FAM3A: variants seen among roughly 807,000 people sequenced by gnomAD.
The protein encoded by FAM3A is FAM3 metabolism regulating signaling molecule A, also known as protein FAM3A.
Under a neutral mutation model 18.1 loss-of-function variants are expected in FAM3A, and 5 were observed. The ratio of observed to expected loss-of-function variants is 0.28; its 90% CI spans 0.14 to 0.58. The LOEUF is 0.58. FAM3A is among the 20% of genes least tolerant of loss of function. The pLI, the probability that FAM3A is intolerant of heterozygous loss-of-function variation, is 0.91. For synonymous variants in FAM3A, 108 were observed against 90.2 expected (o/e 1.20, Z -1.12); for missense variants, 154 against 216.6 (o/e 0.71, Z 1.81).
intron 1 of FAM3A, among the ~76,000 whole-genome samples, chrX:154,514,346 C>T (rs782629490): frequency 9.0e-6 from 1 of 111,114 alleles, no homozygotes; most frequent in South Asian, 3.8e-4. Context: ...TGGGTTCAAG[C>T]GATTCTCCTG....
At chrX:154,507,578 G>C in intron 6 of FAM3A, 88 bp from the exon 7 acceptor site, 1 of 1,001,647 alleles carries the variant, frequency 1.0e-6, no homozygotes, top group Admixed American at 2.5e-5. Context: ...GGAAACAGAA[G>C]TAGGGATTGG....
At chrX:154,512,227 C>CAATAATAAT (rs782325424) in intron 2 of FAM3A, 2 of 143,363 alleles carry the variant, frequency 1.4e-5, no homozygotes, top group Non-Finnish European at 2.3e-5. Context: ...ACTAAAAATA[C>CAATAATAAT]AATAATAATA....
At chrX:154,507,535 G>T in intron 6 of FAM3A, 45 bp from the exon 7 acceptor site, 1 of 1,133,492 alleles carries the variant, frequency 8.8e-7, no homozygotes. Context: ...AGGCACCACT[G>T]AGCACCCTCC....
At position 154,506,677 on chromosome X, in the gene FAM3A, G is replaced by T. The variant is rs782487341; in HGVS notation, c.*134C>A. The T allele has an allele frequency of 2.0e-6, 1 of 497,571 alleles. No homozygotes were observed. The highest frequency in any genetic ancestry group is 2.3e-5 in the African/African-American group (1 of 43,164). The allele number at this position is 497,571 out of a possible 1,213,427, so 41.0% of individuals were successfully genotyped here. On this transcript the variant is annotated 3_prime_UTR_variant, in exon 9 of 9. Coordinates refer to ENST00000447601, the MANE Select transcript of FAM3A (RefSeq NM_021806.4). ...GAGACCACGTTCTGGTCACTGCCTC[G>T]GAGCCCCGATGTGTTGGGGCCAGGG...
At position 154,510,926 on chromosome X, in the gene FAM3A, CA is replaced by C. The variant is rs55742953; in HGVS notation, c.151+921del. The C allele has an allele frequency of 4.6e-3, 335 of 73,623 alleles. 1 individual carries two copies. Among genetic ancestry groups the C allele is most frequent in the Admixed American group, 8.1e-3 (52 of 6,439 alleles). The allele number at this position is 73,623 out of a possible 1,213,427, so 6.1% of individuals were successfully genotyped here. A position where few individuals can be genotyped will look rare whatever the true frequency, so the allele number is the denominator to read the frequency against. ...TGGGTGACAGAGCAAGACTCCGTCT[CA>C]AAAAAAAAAAAAAACTTGGTTGAAT... On this transcript the variant is annotated intron_variant, in intron 3 of 8. Transcript: ENST00000447601.
rs1305101852 is a variant in FAM3A, at chrX:154,506,368, C to A, written c.*443G>T. The A allele has an allele frequency of 7.9e-6, 1 of 127,021 alleles. No homozygotes were observed. Among genetic ancestry groups the A allele is most frequent in the Non-Finnish European group, 1.6e-5 (1 of 62,451 alleles). 10.5% of individuals were successfully genotyped at this position (127,021 alleles called of 1,213,427 possible). A position where few individuals can be genotyped will look rare whatever the true frequency, so the allele number is the denominator to read the frequency against. On this transcript the variant is annotated 3_prime_UTR_variant, in exon 9 of 9. Coordinates refer to ENST00000447601, the MANE Select transcript of FAM3A (RefSeq NM_021806.4). ...GTTTGGCTCACTGGAAGGAATCACA[C>A]TGGAAACATGTTTAGCCCGCAGTGC...
At chrX:154,508,370 G>GCCCCCCCCCCCCCCCCCCCCCC in intron 4 of FAM3A, 23 bp from the exon 5 acceptor site, 1 of 317,060 alleles carries the variant, frequency 3.2e-6, no homozygotes, top group African/African-American at 4.5e-5. Flanking sequence ...GGGTGGGGGG[G>GCCCCCCCCCCCCCCCCCCCCCC]ACGGGGAGAT....
chrX:154,513,393 A>T (rs1423311426), intron 1 of FAM3A, among the ~76,000 whole-genome samples: 1 of 111,574 alleles, frequency 9.0e-6, no homozygotes, highest in East Asian at 2.8e-4. Context: ...GAACTTTAGG[A>T]GGCCGAGGCG....
At chrX:154,507,542 C>G (rs1557219670) in intron 6 of FAM3A, 52 bp from the exon 7 acceptor site, 1 of 1,110,640 alleles carries the variant, frequency 9.0e-7, no homozygotes, top group South Asian at 1.9e-5. Flanking sequence ...ACTGAGCACC[C>G]TCCCACAAGC....
rs200836674 is a variant in FAM3A, at chrX:154,506,862, G to A, written c.642C>T (p.Pro214=). The change falls in exon 9 of 9, where the codon CCC becomes CCT. Residue 214 remains proline (P), a synonymous_variant. Transcript: ENST00000447601. ...SKHSNKYEGW[P]EALEMEGCIP... is the part of the protein sequence containing the mutation. ...TACAGCCTTCCATCTCCAGCGCCTC[G>A]GGCCAGCCTTCGTACTTGTTGCTGT... 3.7e-4 allele frequency: 449 copies of A among 1,210,623 alleles called. 1 individual carries two copies. Among genetic ancestry groups the A allele is most frequent in the Middle Eastern group, 3.2e-3 (14 of 4,351 alleles).
In FAM3A at chrX:154,506,666, G is replaced by C. The variant is rs781792342; in HGVS notation, c.*145C>G. 1.6e-4 allele frequency: 76 copies of C among 479,559 alleles called. No individual in the cohort carries two copies. The highest frequency in any genetic ancestry group is 1.2e-3 in the Middle Eastern group (2 of 1,719). 39.5% of individuals were successfully genotyped at this position (479,559 alleles called of 1,213,427 possible). A position where few individuals can be genotyped will look rare whatever the true frequency, so the allele number is the denominator to read the frequency against. On this transcript the variant is annotated 3_prime_UTR_variant, in exon 9 of 9. Transcript: ENST00000447601. ...CCCACCACCTTGAGACCACGTTCTG[G>C]TCACTGCCTCGGAGCCCCGATGTGT...
chrX:154,506,515 G>A lies in FAM3A; in HGVS notation c.*296C>T. On this transcript the variant is annotated 3_prime_UTR_variant, in exon 9 of 9. Coordinates refer to ENST00000447601, the MANE Select transcript of FAM3A (RefSeq NM_021806.4). ...CAGGACTCAAGATGGGGATGGAGATGGCGTGAGGAATGGAGGACAGGGCTA... is the reference window on the plus strand; with the variant it reads ...CAGGACTCAAGATGGGGATGGAGATAGCGTGAGGAATGGAGGACAGGGCTA... The A allele has an allele frequency of 3.1e-6, 1 of 326,273 alleles. No homozygotes were observed. The highest frequency in any genetic ancestry group is 5.4e-5 in the East Asian group (1 of 18,492). 26.9% of individuals were successfully genotyped at this position (326,273 alleles called of 1,213,427 possible).
In FAM3A at chrX:154,507,344, G is replaced by T; in HGVS notation, c.471-15C>A. The T allele has an allele frequency of 2.5e-6, 3 of 1,212,051 alleles. No homozygotes were observed. Among genetic ancestry groups the T allele is most frequent in the Non-Finnish European group, 3.4e-6 (3 of 895,480 alleles). On this transcript the variant is annotated splice_polypyrimidine_tract_variant and intron_variant, in intron 7 of 8. Transcript: ENST00000447601. The stretch of plus-strand genomic sequence containing the variant: ...CTTCATTCATCCTGCAGCATGGGAG[G>T]AAGGGGTGTCAGCTGTTGCTGCAGA...
At position 154,507,140 on chromosome X, in the gene FAM3A, C is replaced by T. The variant is rs184294266; in HGVS notation, c.597+63G>A. The T allele has an allele frequency of 1.1e-3, 1,308 of 1,151,917 alleles. 4 individuals carry two copies. In the African/African-American group the frequency reaches 0.018, roughly 16 times the overall value. 94.9% of individuals were successfully genotyped at this position (1,151,917 alleles called of 1,213,427 possible). On this transcript the variant is annotated intron_variant, in intron 8 of 8. Coordinates refer to ENST00000447601, the MANE Select transcript of FAM3A (RefSeq NM_021806.4). ...GGCGTGAGCAGCTGGGGAGGCTCGT[C>T]GCATGCAGGCAGAAGGGGCGACAGG...
In FAM3A at chrX:154,513,714, C is replaced by T. The variant is rs782046059; in HGVS notation, c.14-778G>A. On this transcript the variant is annotated intron_variant, in intron 1 of 8. Coordinates refer to ENST00000447601, the MANE Select transcript of FAM3A (RefSeq NM_021806.4). ...GGGACCTGGATTGCAAGCTCCCCAG[C>T]CTTCTCTGATTTCTTGTAATAGTGA... 2.7e-5 allele frequency among the ~76,000 whole-genome samples: 3 copies of T among 110,557 alleles called. No homozygotes were observed. The South Asian group carries it at 1.2e-3, about 43-fold the overall frequency.
chrX:154,516,115 C>G lies in FAM3A; in HGVS notation c.-343G>C, dbSNP rs782365531. ...GATGCGGGCCGGGCCGGAGATTTCT[C>G]TGGCCGTGGGGAGACGTGGGCTCGG... On this transcript the variant is annotated 5_prime_UTR_variant, in exon 1 of 9. Coordinates refer to ENST00000447601, the MANE Select transcript of FAM3A (RefSeq NM_021806.4). 5 of 197,289 alleles carry G rather than the reference C, an allele frequency of 2.5e-5. No individual in the cohort carries two copies. The East Asian group carries it at 3.6e-4, about 14-fold the overall frequency. 16.3% of individuals were successfully genotyped at this position (197,289 alleles called of 1,213,427 possible).
chrX:154,507,892 A>C, intron 5 of FAM3A, 31 bp from the exon 6 acceptor site: 1 of 1,170,579 alleles, frequency 8.5e-7, no homozygotes, highest in South Asian at 1.9e-5. Flanking sequence ...CCTGCTGGGT[A>C]AGCCAGGCCA....
chrX:154,513,767 TG>T (rs1318737878), intron 1 of FAM3A, among the ~76,000 whole-genome samples: 2 of 111,317 alleles, frequency 1.8e-5, no homozygotes, highest in Non-Finnish European at 3.8e-5. Context: ...CTCTTTCTCC[TG>T]TATTTTCAAC....
At chrX:154,509,178 A>C (rs981935088) in intron 3 of FAM3A, 1 of 183,307 alleles carries the variant, frequency 5.5e-6, no homozygotes, top group Non-Finnish European at 1.0e-5. Context: ...TGATGTCCTT[A>C]TAAGAACAGA....
Sources: gnomAD v4.1 joint callset for allele counts (sites outside exome capture counted in the v4.1 genomes callset) on GRCh38, gnomAD v4.1.1 for gene constraint, MANE v1.5 for transcripts, NCBI Gene and HGNC (gene_info 2026-07-23, HGNC 2026-07-21) for gene names.